CSNK1D: variants seen among roughly 807,000 people sequenced by gnomAD.
The protein encoded by CSNK1D is casein kinase I isoform delta.
A neutral mutation model predicts 46.6 loss-of-function variants in CSNK1D; 16 were observed. The ratio of observed to expected loss-of-function variants is 0.34; its 90% CI spans 0.23 to 0.52. The LOEUF (loss-of-function observed/expected upper bound fraction) is 0.52. Ranked by LOEUF, CSNK1D falls within the 20% of genes least tolerant of loss-of-function variation. The pLI is 0.95. For synonymous variants in CSNK1D, 276 were observed against 228.2 expected (o/e 1.21, Z -1.89); for missense variants, 398 against 578.4 (o/e 0.69, Z 3.20).
chr17:82,253,135 T>A lies in CSNK1D; in HGVS notation c.446A>T (p.Asp149Val). ...CCGGTACTTCTTGGCCAGCCCGAAGTCGATGATGTACACCAGGTTGCCCTT... is the reference window on the plus strand; with the variant it reads ...CCGGTACTTCTTGGCCAGCCCGAAGACGATGATGTACACCAGGTTGCCCTT... ...GKKGNLVYII[D>V]FGLAKKYRDA... The change falls in exon 4 of 9, where the codon GAC becomes GTC. Residue 149 changes from aspartate (D) to valine (V), a missense_variant. By Grantham distance (152) the Asp-to-Val change is radical (BLOSUM62 -3). This residue lies in a region of CSNK1D where 217 missense variants were observed against 370.3 expected (regional missense o/e 0.59). Coordinates refer to ENST00000314028, the MANE Select transcript of CSNK1D (RefSeq NM_001893.6). 1 of 1,614,202 alleles carries A rather than the reference T, an allele frequency of 6.2e-7. No homozygotes were observed. The highest frequency in any genetic ancestry group is 8.5e-7 in the Non-Finnish European group (1 of 1,180,024).
Position 82,249,674 on chromosome 17 carries a change from C to A in CSNK1D, c.886-72G>T. ...AAGCAACCCTAGGTCCTAGGCTGCC[C>A]CGGCCACGTGAGAAAATACCTACCA... On this transcript the variant is annotated intron_variant, in intron 6 of 8. Transcript: ENST00000314028. This position sits in a 1 kb window ranked among gnomAD's most constrained non-coding sequence, Gnocchi z 6.7. 1 of 1,534,804 alleles carries A rather than the reference C, an allele frequency of 6.5e-7. No homozygotes were observed. Among genetic ancestry groups the A allele is most frequent in the Non-Finnish European group, 8.7e-7 (1 of 1,146,226 alleles).
At chr17:82,258,544 C>T (rs905339147) in intron 2 of CSNK1D, among the ~76,000 whole-genome samples, 4 of 152,090 alleles carry the variant, frequency 2.6e-5, no homozygotes, top group African/African-American at 7.2e-5. Flanking sequence ...GAATTCTTTT[C>T]TCTCTCTAGA....
chr17:82,253,419 TGCA>T, intron 3 of CSNK1D, 175 bp from the exon 4 acceptor site: 1 of 656,436 alleles, frequency 1.5e-6, no homozygotes, highest in South Asian at 1.5e-5. Flanking sequence ...CCCAGGTGCC[TGCA>T]GCAACCCTCC....
chr17:82,265,505 A>T (rs781574641), intron 2 of CSNK1D, 181 bp downstream of exon 2: 20 of 640,620 alleles, frequency 3.1e-5, no homozygotes, highest in Middle Eastern at 4.1e-4. Context: ...GTGTTGAGGG[A>T]GGGTCTCTGG....
rs2051029987 is a variant in CSNK1D at position 82,252,185 on chromosome 17, G to A, written c.736+249C>T. On this transcript the variant is annotated intron_variant, in intron 5 of 8. Transcript: ENST00000314028. The surrounding 1 kb of genome is among the most constrained non-coding windows in gnomAD (Gnocchi z 4.6). ...ACTTGGGGCCCTGAGGCTCGGGCCT[G>A]CCTTGCCTGCCATCTCTCCAGGGCC... Among the ~76,000 whole-genome samples the A allele has an allele frequency of 6.6e-6, 1 of 152,234 alleles. No individual in the cohort carries two copies. The highest frequency in any genetic ancestry group is 1.5e-5 in the Non-Finnish European group (1 of 68,042).
Position 82,242,791 on chromosome 17 carries a change from C to G in CSNK1D, c.*1990G>C. On this transcript the variant is annotated 3_prime_UTR_variant, in exon 9 of 9. Transcript: ENST00000314028. ...CACAGCTGACACGACGTCCTACCTA[C>G]GTCTCCTGCACGGGGCGACGGGGAC... is the stretch of plus-strand genomic sequence containing the variant. 2.1e-5 allele frequency: 21 copies of G among 985,198 alleles called. No homozygotes were observed. Among genetic ancestry groups the G allele is most frequent in the Non-Finnish European group, 2.5e-5 (21 of 829,678 alleles). 61.0% of individuals were successfully genotyped at this position (985,198 alleles called of 1,614,324 possible).
intron 1 of CSNK1D, 126 bp from the exon 2 acceptor site, chr17:82,265,922 C>T: frequency 2.4e-6 from 2 of 822,442 alleles, no homozygotes; most frequent in Non-Finnish European, 2.1e-6. Flanking sequence ...GTTCTCCTTC[C>T]TAGCATAGTA....
In CSNK1D at chr17:82,253,201, C is replaced by T; in HGVS notation, c.380G>A (p.Arg127Gln). ...GAGGAAGTTGTCTGGCTTCACATCC[C>T]GGTGGATGAAGTTCTTTGAATGAAT... is the stretch of plus-strand genomic sequence containing the variant. ...EYIHSKNFIH[R>Q]DVKPDNFLMG... Residue 127 changes from arginine (R) to glutamine (Q), a missense_variant, in exon 4 of 9, where the codon CGG (arginine) becomes CAG (glutamine). By Grantham distance (43) the Arg-to-Gln change is conservative (BLOSUM62 1). Coordinates refer to ENST00000314028, the MANE Select transcript of CSNK1D (RefSeq NM_001893.6). The T allele has an allele frequency of 6.2e-7, 1 of 1,614,096 alleles. No homozygotes were observed. Among genetic ancestry groups the T allele is most frequent in the Non-Finnish European group, 8.5e-7 (1 of 1,180,008 alleles).
rs2050913568 is a variant in CSNK1D, at chr17:82,248,692, A to G, written c.1197+183T>C. The G allele has an allele frequency of 1.4e-6, 2 of 1,431,938 alleles. No individual in the cohort carries two copies. Among genetic ancestry groups the G allele is most frequent in the African/African-American group, 2.9e-5 (2 of 69,816 alleles). The allele number at this position is 1,431,938 out of a possible 1,614,324, so 88.7% of individuals were successfully genotyped here. ...GAGACAAGCCCCATGACGGCCCAGC[A>G]TGTCTCCCAGGCCCTCCCGAGAAGC... On this transcript the variant is annotated intron_variant, in intron 8 of 8. Coordinates refer to ENST00000314028, the MANE Select transcript of CSNK1D (RefSeq NM_001893.6). The surrounding 1 kb of genome is among the most constrained non-coding windows in gnomAD (Gnocchi z 4.1).
At chr17:82,239,166 G>C (rs920688214), downstream of CSNK1D, 5 of 539,580 alleles carry the variant, frequency 9.3e-6, no homozygotes, top group African/African-American at 1.9e-5. Flanking sequence ...TTCCAGAGTG[G>C]ATCTGCGGTG....
At chr17:82,256,218 A>G (rs1329978764) in intron 2 of CSNK1D, among the ~76,000 whole-genome samples, 3 of 152,244 alleles carry the variant, frequency 2.0e-5, no homozygotes, top group South Asian at 4.1e-4. Flanking sequence ...TCAACACTAT[A>G]AAGGCACACG....
chr17:82,247,616 T>G, intron 8 of CSNK1D: 1 of 985,282 alleles, frequency 1.0e-6, no homozygotes, highest in Non-Finnish European at 1.2e-6. Flanking sequence ...GGGCAGACCC[T>G]CCCGGGAACT....
rs1568568972 is a variant in CSNK1D at position 82,255,415 on chromosome 17, G to C, written c.336+14C>G. ...ACAGCAAGTGTGTGCCAACTGTCAG[G>C]AAACAGTCCTTACCATTTGGTCAGC... On this transcript the variant is annotated intron_variant, in intron 3 of 8. Transcript: ENST00000314028. The surrounding 1 kb of genome is among the most constrained non-coding windows in gnomAD (Gnocchi z 5.9). 1 of 1,614,004 alleles carries C rather than the reference G, an allele frequency of 6.2e-7. No homozygotes were observed. The highest frequency in any genetic ancestry group is 1.1e-5 in the South Asian group (1 of 91,092).
At chr17:82,247,835 G>A (rs1270071368) in intron 8 of CSNK1D, 10 of 985,410 alleles carry the variant, frequency 1.0e-5, no homozygotes, top group African/African-American at 3.5e-5. Flanking sequence ...GTCTCTTTGG[G>A]AAGAAGTTAT....
At chr17:82,265,926 CA>C in intron 1 of CSNK1D, 130 bp from the exon 2 acceptor site, 1 of 799,614 alleles carries the variant, frequency 1.3e-6, no homozygotes, top group Non-Finnish European at 2.2e-6. Context: ...TCCTTCCTAG[CA>C]TAGTAAGGCG....
chr17:82,251,428 C>A lies in CSNK1D; in HGVS notation c.836G>T (p.Arg279Leu), dbSNP rs2051005417. The change falls in exon 6 of 9, where the codon CGC becomes CTC. Residue 279 changes from arginine to leucine, a missense_variant. By Grantham distance (102) the Arg-to-Leu change is moderately radical. Transcript: ENST00000314028. This position sits in a 1 kb window ranked among gnomAD's most constrained non-coding sequence, Gnocchi z 4.5. ...CACGTAGTCATAGGAGAAGCCCTGG[C>A]GATGGAACAGATTCCGGAAAAGCTG... ...LRQLFRNLFH[R>L]QGFSYDYVFD... The A allele has an allele frequency of 6.2e-7, 1 of 1,613,968 alleles. No homozygotes were observed. The highest frequency in any genetic ancestry group is 1.7e-5 in the Admixed American group (1 of 59,994).
In CSNK1D at chr17:82,248,830, G is replaced by C; in HGVS notation, c.1197+45C>G. 1 of 1,591,452 alleles carries C rather than the reference G, an allele frequency of 6.3e-7. No individual in the cohort carries two copies. The highest frequency in any genetic ancestry group is 1.1e-5 in the South Asian group (1 of 88,238). On this transcript the variant is annotated intron_variant, in intron 8 of 8. Transcript: ENST00000314028. The surrounding 1 kb of genome is among the most constrained non-coding windows in gnomAD (Gnocchi z 4.1). ...ACCACAGCCCGCTCTTGACTCGGACGGGGTAGCCCGAGGCCCAGCGCCCGC... is the reference window on the plus strand; with the variant it reads ...ACCACAGCCCGCTCTTGACTCGGACCGGGTAGCCCGAGGCCCAGCGCCCGC...
chr17:82,259,419 G>A (rs2051267192), intron 2 of CSNK1D, among the ~76,000 whole-genome samples: 1 of 152,210 alleles, frequency 6.6e-6, no homozygotes, highest in African/African-American at 2.4e-5. Flanking sequence ...TGAAAACAGT[G>A]TTGTGAGGCT....
At position 82,255,611 on chromosome 17, in the gene CSNK1D, C is replaced by T. The variant is rs1188059806; in HGVS notation, c.188-34G>A. On this transcript the variant is annotated intron_variant, in intron 2 of 8. Transcript: ENST00000314028. The surrounding 1 kb of genome is among the most constrained non-coding windows in gnomAD (Gnocchi z 5.9). ...GGAAATCAGACACAGTGTTTCAGTC[C>T]AGGCCCTGCCTCAGCTCCACACTAA... The T allele has an allele frequency of 1.2e-6, 2 of 1,613,718 alleles. No individual in the cohort carries two copies. Among genetic ancestry groups the T allele is most frequent in the Admixed American group, 1.7e-5 (1 of 60,010 alleles).
Sources: gnomAD v4.1 joint callset for allele counts (sites outside exome capture counted in the v4.1 genomes callset) on GRCh38, gnomAD v4.1.1 for gene constraint, gnomAD v4.1.1 regional missense constraint, Gnocchi (gnomAD v3.1) non-coding constraint, MANE v1.5 for transcripts, NCBI Gene and HGNC (gene_info 2026-07-23, HGNC 2026-07-21) for gene names.